The following LASP1 variants were observed in gnomAD, a reference collection of about 807,000 sequenced individuals.
LASP1 encodes the protein LIM and SH3 domain protein 1.
A neutral mutation model predicts 38.6 loss-of-function variants in LASP1; 10 were observed. That is an observed-to-expected ratio of 0.26 (90% CI 0.16 to 0.44). LASP1 has a LOEUF of 0.44. Among genes scored for constraint, LASP1 ranks in the 20% least tolerant of loss-of-function variants. The pLI, the probability that LASP1 is intolerant of heterozygous loss-of-function variation, is 1.00. For missense variants in LASP1, 243 were observed against 375.7 expected (o/e 0.65, Z 2.92); for synonymous variants, 132 against 140.8 (o/e 0.94, Z 0.44).
Position 38,921,310 on chromosome 17 carries a change from TAAG to T in LASP1, c.*2535_*2537del, listed in dbSNP as rs1191489665. The T allele has an allele frequency of 4.3e-6, 1 of 231,176 alleles. No homozygotes were observed. The highest frequency in any genetic ancestry group is 2.2e-5 in the African/African-American group (1 of 45,200). 14.3% of individuals were successfully genotyped at this position (231,176 alleles called of 1,614,324 possible). A position where few individuals can be genotyped will look rare whatever the true frequency, so the allele number is the denominator to read the frequency against. ...GAATATAACTTTTGTGGACCAATAC[TAAG>T]AATAACAAGAAGCCCAGTGGTGAGG... On this transcript the variant is annotated 3_prime_UTR_variant, in exon 7 of 7. Transcript: ENST00000318008.
intron 1 of LASP1, among the ~76,000 whole-genome samples, chr17:38,870,683 G>C (rs1444263154): frequency 1.3e-5 from 2 of 152,152 alleles, no homozygotes; most frequent in Non-Finnish European, 2.9e-5. Flanking sequence ...GGGGGCGGGG[G>C]GGCGGGGCAG....
In LASP1 at chr17:38,919,714, A is replaced by G; in HGVS notation, c.*936A>G. ...AGGTGGCCGCTCCTCCCTGCTCCTC[A>G]TGGGAAGATGTCTCAGAGCCTTCCA... On this transcript the variant is annotated 3_prime_UTR_variant, in exon 7 of 7. Coordinates refer to ENST00000318008, the MANE Select transcript of LASP1 (RefSeq NM_006148.4). The G allele has an allele frequency of 2.6e-6, 1 of 384,850 alleles. No individual in the cohort carries two copies. 23.8% of individuals were successfully genotyped at this position (384,850 alleles called of 1,614,324 possible).
chr17:38,917,683 G>GTT (rs113458340), intron 6 of LASP1, among the ~76,000 whole-genome samples: 2 of 147,988 alleles, frequency 1.4e-5, no homozygotes, highest in South Asian at 2.1e-4. Flanking sequence ...TGTTTTTTCT[G>GTT]TTTTTTTTTT....
At chr17:38,879,733 C>G (rs11654182) in intron 2 of LASP1, among the ~76,000 whole-genome samples, 2 of 152,004 alleles carry the variant, frequency 1.3e-5, no homozygotes, top group African/African-American at 2.4e-5. Flanking sequence ...CGTTCCCTGG[C>G]TAAGACCACT....
intron 2 of LASP1, among the ~76,000 whole-genome samples, chr17:38,886,684 G>A (rs1249630510): frequency 6.6e-6 from 1 of 151,988 alleles, no homozygotes; most frequent in Non-Finnish European, 1.5e-5. Flanking sequence ...GTGAGCAGAG[G>A]GACACAGTGT....
chr17:38,898,928 C>T (rs774758886), intron 4 of LASP1: 34 of 365,196 alleles, frequency 9.3e-5, no homozygotes, highest in Non-Finnish European at 1.7e-4. Context: ...GTCATTTCCG[C>T]CCTTCCTTGG....
chr17:38,914,668 C>T (rs917819865), intron 5 of LASP1, among the ~76,000 whole-genome samples, 193 bp downstream of exon 5: 5 of 124,360 alleles, frequency 4.0e-5, no homozygotes, highest in Non-Finnish European at 6.6e-5. Context: ...AGGAAGTCGG[C>T]GAGAGACAGA....
At chr17:38,912,084 G>A (rs1206504316) in intron 4 of LASP1, among the ~76,000 whole-genome samples, 5 of 152,236 alleles carry the variant, frequency 3.3e-5, no homozygotes, top group South Asian at 2.1e-4. Context: ...GTGATCCACC[G>A]TGCTCGGCCT....
At chr17:38,882,450 G>C (rs1373364062) in intron 2 of LASP1, among the ~76,000 whole-genome samples, 1 of 152,072 alleles carries the variant, frequency 6.6e-6, no homozygotes, top group African/African-American at 2.4e-5. Context: ...GTTTTTCCAT[G>C]TTGGCCAGGC....
intron 1 of LASP1, among the ~76,000 whole-genome samples, chr17:38,877,312 G>A (rs1913810691): frequency 6.6e-6 from 1 of 152,338 alleles, no homozygotes; most frequent in South Asian, 2.1e-4. Context: ...CAGTTAGTGG[G>A]GTAGAGCTTT....
chr17:38,895,483 T>C (rs374338296), intron 3 of LASP1, among the ~76,000 whole-genome samples: 7 of 151,982 alleles, frequency 4.6e-5, no homozygotes, highest in African/African-American at 1.7e-4. Context: ...CCGGCTAACT[T>C]TTTTTGTATT....
Position 38,918,613 on chromosome 17 carries a change from C to T in LASP1, c.621C>T (p.Tyr207=), listed in dbSNP as rs777103602. Residue 207 remains tyrosine, a synonymous_variant, in exon 7 of 7, where the codon TAC becomes TAT. Transcript: ENST00000318008. This position sits in a 1 kb window ranked among gnomAD's most constrained non-coding sequence, Gnocchi z 4.4. ...RSAPGGGGKR[Y]RAVYDYSAAD... is the part of the protein sequence containing the mutation. ...CCACACTTCCCCCACAGAAGCGGTACCGCGCGGTGTATGACTACAGCGCCG... is the reference window on the plus strand; with the variant it reads ...CCACACTTCCCCCACAGAAGCGGTATCGCGCGGTGTATGACTACAGCGCCG... The T allele has an allele frequency of 2.5e-6, 4 of 1,596,176 alleles. No homozygotes were observed. The highest frequency in any genetic ancestry group is 3.4e-6 in the Non-Finnish European group (4 of 1,167,158).
intron 6 of LASP1, chr17:38,916,005 G>C (rs553150984): frequency 6.6e-6 from 1 of 152,366 alleles, no homozygotes; most frequent in South Asian, 2.1e-4. Flanking sequence ...GGACTGCCCA[G>C]GGCACTGTGG....
At chr17:38,887,401 C>G (rs945425674) in intron 2 of LASP1, among the ~76,000 whole-genome samples, 1 of 152,204 alleles carries the variant, frequency 6.6e-6, no homozygotes, top group Non-Finnish European at 1.5e-5. Context: ...TCTCTAGGAA[C>G]AGACTCGTGG....
intron 4 of LASP1, among the ~76,000 whole-genome samples, chr17:38,902,690 T>A (rs2143800079): frequency 6.6e-6 from 1 of 152,176 alleles, no homozygotes; most frequent in African/African-American, 2.4e-5. Context: ...CTTTATTTAT[T>A]TATTTTTAAT....
chr17:38,913,142 C>G (rs1915004613), intron 4 of LASP1, among the ~76,000 whole-genome samples: 2 of 152,218 alleles, frequency 1.3e-5, no homozygotes, highest in Admixed American at 1.3e-4. Flanking sequence ...TGAGGCCCAA[C>G]TCAAGACTCC....
intron 4 of LASP1, among the ~76,000 whole-genome samples, chr17:38,909,650 G>C (rs1036339221): frequency 6.6e-6 from 1 of 152,010 alleles, no homozygotes; most frequent in African/African-American, 2.4e-5. Context: ...GAGCCCACTA[G>C]GGGTCATCAA....
intron 1 of LASP1, among the ~76,000 whole-genome samples, chr17:38,875,537 T>G (rs1913745835): frequency 6.6e-6 from 1 of 152,176 alleles, no homozygotes; most frequent in Admixed American, 6.5e-5. Context: ...GACCCGCCAC[T>G]TCTTTGCTTC....
intron 1 of LASP1, among the ~76,000 whole-genome samples, chr17:38,875,520 A>G (rs1043544746): frequency 3.4e-4 from 52 of 152,196 alleles, no homozygotes; most frequent in African/African-American, 1.2e-3. Context: ...GGAGGGGGCC[A>G]AGCTTAGACC....
Sources: gnomAD v4.1 joint callset for allele counts (sites outside exome capture counted in the v4.1 genomes callset) on GRCh38, gnomAD v4.1.1 for gene constraint, Gnocchi (gnomAD v3.1) non-coding constraint, MANE v1.5 for transcripts, NCBI Gene and HGNC (gene_info 2026-07-23, HGNC 2026-07-21) for gene names.